The following HNF4G variants were observed in gnomAD, a reference collection of about 807,000 sequenced individuals.
HNF4G encodes the protein hepatocyte nuclear factor 4-gamma.
Under a neutral mutation model 50.9 loss-of-function variants are expected in HNF4G, and 21 were observed. That is an observed-to-expected ratio of 0.41 (90% confidence interval 0.29 to 0.59). The LOEUF (loss-of-function observed/expected upper bound fraction) is 0.59, where lower values mean the gene tolerates loss of function less well. Among genes scored for constraint, HNF4G ranks in the 20% least tolerant of loss-of-function variants. The pLI, the probability that HNF4G is intolerant of heterozygous loss-of-function variation, is 0.26. For synonymous variants in HNF4G, 198 were observed against 185.6 expected, an observed-to-expected ratio of 1.07 and a Z score of -0.54; for missense variants, 527 against 559.4, an observed-to-expected ratio of 0.94 and a Z score of 0.58.
Position 75,564,687 on chromosome 8 carries a change from T to C in HNF4G, c.*591T>C, listed in dbSNP as rs946712641. 6.6e-6 allele frequency: 1 copy of C among 152,182 alleles called. No individual in the cohort carries two copies. The highest frequency in any genetic ancestry group is 1.5e-5 in the Non-Finnish European group (1 of 68,028). 9.4% of individuals were successfully genotyped at this position (152,182 alleles called of 1,614,324 possible). ...AGTTTAGAAAAATACAAAAAACCAT[T>C]CCAAGGATGACTGGATACTTTTTGA... On this transcript the variant is annotated 3_prime_UTR_variant, in exon 10 of 10. Transcript: ENST00000396423.
chr8:75,435,665 C>T (rs1023572890), intron 1 of HNF4G, among the ~76,000 whole-genome samples: 3 of 152,186 alleles, frequency 2.0e-5, no homozygotes, highest in Non-Finnish European at 2.9e-5. Flanking sequence ...ATGATCTGGG[C>T]TCACTGCATC....
At chr8:75,553,742 C>G (rs901871012) in intron 5 of HNF4G, among the ~76,000 whole-genome samples, 1 of 151,078 alleles carries the variant, frequency 6.6e-6, no homozygotes, top group Non-Finnish European at 1.5e-5. Flanking sequence ...ACATGTCTGG[C>G]AAAAAGAAAA....
At chr8:75,436,422 AT>A (rs1228668645) in intron 1 of HNF4G, among the ~76,000 whole-genome samples, 2 of 152,206 alleles carry the variant, frequency 1.3e-5, no homozygotes, top group Admixed American at 6.5e-5. Context: ...ATTACAACGT[AT>A]TGTTAGTTTA....
chr8:75,436,067 A>T (rs1811129367), intron 1 of HNF4G, among the ~76,000 whole-genome samples: 1 of 152,206 alleles, frequency 6.6e-6, no homozygotes. Context: ...TTATAATAGC[A>T]ACATAAATTA....
chr8:75,481,935 T>TG (rs1351500369), intron 1 of HNF4G, among the ~76,000 whole-genome samples: 3 of 152,212 alleles, frequency 2.0e-5, no homozygotes, highest in African/African-American at 7.2e-5. Context: ...ATAATCTACT[T>TG]GCACCTTTGT....
intron 1 of HNF4G, among the ~76,000 whole-genome samples, chr8:75,413,335 G>A (rs1386640013): frequency 7.4e-6 from 1 of 136,020 alleles, no homozygotes; most frequent in African/African-American, 2.7e-5. Flanking sequence ...GGAAGGGAGG[G>A]GAGGGGAGGG....
At chr8:75,470,925 A>G (rs1812099754) in intron 1 of HNF4G, among the ~76,000 whole-genome samples, 1 of 152,172 alleles carries the variant, frequency 6.6e-6, no homozygotes, top group South Asian at 2.1e-4. Context: ...TTTTAAAGAC[A>G]TGTAACTTCT....
intron 1 of HNF4G, among the ~76,000 whole-genome samples, chr8:75,432,492 G>A (rs1811038490): frequency 6.6e-6 from 1 of 151,962 alleles, no homozygotes; most frequent in Non-Finnish European, 1.5e-5. Context: ...GTAGAGATGG[G>A]GTTTCAGCAT....
At chr8:75,461,665 G>C (rs955124242) in intron 1 of HNF4G, among the ~76,000 whole-genome samples, 27 of 151,836 alleles carry the variant, frequency 1.8e-4, no homozygotes, top group African/African-American at 6.5e-4. Context: ...TTATCTGTGG[G>C]GGATATGTCC....
At chr8:75,556,194 G>A (rs565510814) in intron 6 of HNF4G, 125 bp downstream of exon 6, 5 of 457,744 alleles carry the variant, frequency 1.1e-5, no homozygotes, top group Non-Finnish European at 7.8e-6. Context: ...TCACTTCACA[G>A]GTTTAATTTA....
chr8:75,499,470 T>C (rs1161619514), intron 2 of HNF4G, among the ~76,000 whole-genome samples: 1 of 152,146 alleles, frequency 6.6e-6, no homozygotes, highest in African/African-American at 2.4e-5. Context: ...TTGATTTACA[T>C]ATTTAACATA....
At position 75,505,476 on chromosome 8, in the gene HNF4G, A is replaced by G. The variant is rs1332677244; in HGVS notation, c.-24+15268A>G. Among the ~76,000 whole-genome samples, 3 of 152,164 alleles carry G rather than the reference A, an allele frequency of 2.0e-5. No individual in the cohort carries two copies. In the South Asian group the frequency reaches 6.2e-4, roughly 31 times the overall value. ...ACCCTTATTCCAGCACAAGACAAAC[A>G]GTACAAAGGTCTCAAAAGTTTGGGA... On this transcript the variant is annotated intron_variant, in intron 2 of 10. Coordinates refer to the HNF4G transcript ENST00000354370.
chr8:75,423,316 A>G (rs1810814138), intron 1 of HNF4G, among the ~76,000 whole-genome samples: 1 of 134,390 alleles, frequency 7.4e-6, no homozygotes, highest in Non-Finnish European at 1.6e-5. Flanking sequence ...CTCTCAGTAT[A>G]TTTATGACTT....
intron 2 of HNF4G, among the ~76,000 whole-genome samples, chr8:75,511,010 A>T (rs1016771826): frequency 6.6e-6 from 1 of 152,084 alleles, no homozygotes; most frequent in Non-Finnish European, 1.5e-5. Context: ...AATTTAATGT[A>T]AGGAGATGTG....
intron 6 of HNF4G, 49 bp from the exon 7 acceptor site, chr8:75,558,469 G>T (rs1164361182): frequency 6.4e-7 from 1 of 1,561,060 alleles, no homozygotes; most frequent in Admixed American, 1.8e-5. Flanking sequence ...ACAATTTGGG[G>T]AGACAGGTGG....
chr8:75,420,023 C>T (rs2926598), intron 1 of HNF4G, among the ~76,000 whole-genome samples: 76,545 of 151,766 alleles, frequency 0.5, 19,453 homozygotes, highest in Middle Eastern at 0.57. Context: ...AATATTTTTT[C>T]GCTATTATTT....
intron 1 of HNF4G, among the ~76,000 whole-genome samples, chr8:75,419,185 C>T (rs867245509): frequency 6.6e-6 from 1 of 152,162 alleles, no homozygotes; most frequent in Non-Finnish European, 1.5e-5. Context: ...CTGAGACTAT[C>T]AGAAGTTAAA....
At chr8:75,499,207 C>A (rs1812860449) in intron 2 of HNF4G, among the ~76,000 whole-genome samples, 1 of 151,892 alleles carries the variant, frequency 6.6e-6, no homozygotes, top group Non-Finnish European at 1.5e-5. Context: ...GGTTAATATA[C>A]AAAAATTAGT....
At chr8:75,506,088 TA>T (rs1483200438) in intron 2 of HNF4G, among the ~76,000 whole-genome samples, 2 of 152,026 alleles carry the variant, frequency 1.3e-5, no homozygotes, top group African/African-American at 4.8e-5. Context: ...ATTATGTCAG[TA>T]ATTTAACATT....
Sources: gnomAD v4.1 joint callset for allele counts (sites outside exome capture counted in the v4.1 genomes callset) on GRCh38, gnomAD v4.1.1 for gene constraint, MANE v1.5 for transcripts, NCBI Gene and HGNC (gene_info 2026-07-23, HGNC 2026-07-21) for gene names.